The following TBCD variants were observed in gnomAD, a reference collection of about 807,000 sequenced individuals.
The protein encoded by TBCD is tubulin-specific chaperone D.
TBCD carries 105 observed loss-of-function variants against 169.3 expected under a neutral mutation model. The observed-to-expected ratio is 0.62, with a 90% confidence interval of 0.53 to 0.73. The LOEUF is 0.73. TBCD is among the 30% of genes least tolerant of loss of function. TBCD has a pLI of 0.00. For synonymous variants in TBCD, 700 were observed against 643.9 expected, an observed-to-expected ratio of 1.09 and a Z score of -1.32; for missense variants, 1,444 against 1,600.1, an observed-to-expected ratio of 0.90 and a Z score of 1.66.
At chr17:82,844,194 GT>G (rs1227222757) in intron 13 of TBCD, among the ~76,000 whole-genome samples, 1 of 24,108 alleles carries the variant, frequency 4.1e-5, no homozygotes, top group East Asian at 1.9e-3. Flanking sequence ...AGGAGTGGGG[GT>G]GGATGTTCTC....
chr17:82,868,929 G>A (rs1207793779), intron 13 of TBCD, among the ~76,000 whole-genome samples: 3 of 152,134 alleles, frequency 2.0e-5, no homozygotes, highest in Admixed American at 1.3e-4. Context: ...AGCCCCGAAC[G>A]AGACCCTGGC....
In TBCD at chr17:82,903,191, C is replaced by T. The variant is rs899028112; in HGVS notation, c.1731-214C>T. On this transcript the variant is annotated intron_variant, in intron 18 of 38. Coordinates refer to ENST00000355528, the MANE Select transcript of TBCD (RefSeq NM_005993.5). The surrounding 1 kb of genome is among the most constrained non-coding windows in gnomAD (Gnocchi z 4.8). ...AAGGCAGCTGTGTCCCAAGAAGAAC[C>T]GTGGTTAGCCGTGTGACCTCGCTGT... Among the ~76,000 whole-genome samples the T allele has an allele frequency of 1.9e-4, 29 of 152,234 alleles. No individual in the cohort carries two copies. Among genetic ancestry groups the T allele is most frequent in the Admixed American group, 6.5e-4 (10 of 15,284 alleles).
chr17:82,938,723 C>CT lies in TBCD; in HGVS notation c.3369+587_3369+588insT, dbSNP rs561825556. Among the ~76,000 whole-genome samples, 181 of 152,124 alleles carry CT rather than the reference C, an allele frequency of 1.2e-3. 1 individual carries two copies. The highest frequency in any genetic ancestry group is 4.2e-3 in the African/African-American group (173 of 41,496). ...CACCAGCGCAGTGAGACATGATGACCAGGGCACCACTCAAAAAGAGAGCAG... is the reference window on the plus strand; with the variant it reads ...CACCAGCGCAGTGAGACATGATGACCTAGGGCACCACTCAAAAAGAGAGCAG... On this transcript the variant is annotated intron_variant, in intron 36 of 38. Transcript: ENST00000355528.
At chr17:82,919,400 G>T (rs763866923) in intron 23 of TBCD, among the ~76,000 whole-genome samples, 9 of 152,152 alleles carry the variant, frequency 5.9e-5, no homozygotes, top group Non-Finnish European at 7.3e-5. Context: ...ACCATGTGTA[G>T]GTTGGTAGGG....
intron 13 of TBCD, chr17:82,839,078 C>A (rs1026265100): frequency 1.3e-6 from 1 of 741,830 alleles, no homozygotes; most frequent in African/African-American, 1.9e-5. Flanking sequence ...AAACTTAACC[C>A]CTTTGGTTTG....
At chr17:82,857,224 T>G (rs2056387161) in intron 13 of TBCD, among the ~76,000 whole-genome samples, 1 of 152,248 alleles carries the variant, frequency 6.6e-6, no homozygotes, top group African/African-American at 2.4e-5. Flanking sequence ...ACACTGAGCA[T>G]CTTTTCATGT....
At chr17:82,848,896 C>T (rs377225885) in intron 13 of TBCD, among the ~76,000 whole-genome samples, 116 of 50,886 alleles carry the variant, frequency 2.3e-3, no homozygotes, top group Admixed American at 5.0e-3. Context: ...CTGCCTGCTG[C>T]GTCTTCTCCA....
rs528530101 is a variant in TBCD, at chr17:82,761,826, C to T, written c.236-2139C>T. Among the ~76,000 whole-genome samples the T allele has an allele frequency of 1.4e-3, 211 of 151,252 alleles. 1 individual carries two copies. Among genetic ancestry groups the T allele is most frequent in the Admixed American group, 9.1e-3 (139 of 15,194 alleles). Reference sequence around the variant, plus strand: ...CTGCAAGCTCTGCCACCCGGGTTCACGCCATTCTCCTGCCTCAGCCTCCCG... The same window carrying T: ...CTGCAAGCTCTGCCACCCGGGTTCATGCCATTCTCCTGCCTCAGCCTCCCG... On this transcript the variant is annotated intron_variant, in intron 2 of 38. Coordinates refer to ENST00000355528, the MANE Select transcript of TBCD (RefSeq NM_005993.5).
rs897674978 is a variant in TBCD, at chr17:82,923,948, G to T, written c.2260+215G>T. Reference sequence around the variant, plus strand: ...ATGTTGCATCAGCTCTGAACAGGTGGCTCAGCAGGGACGCGTCTCTGTTGA... The same window carrying T: ...ATGTTGCATCAGCTCTGAACAGGTGTCTCAGCAGGGACGCGTCTCTGTTGA... On this transcript the variant is annotated intron_variant, in intron 26 of 38. Coordinates refer to ENST00000355528, the MANE Select transcript of TBCD (RefSeq NM_005993.5). The surrounding 1 kb of genome is among the most constrained non-coding windows in gnomAD (Gnocchi z 4.6). Among the ~76,000 whole-genome samples, 5 of 152,120 alleles carry T rather than the reference G, an allele frequency of 3.3e-5. No homozygotes were observed. Among genetic ancestry groups the T allele is most frequent in the African/African-American group, 1.2e-4 (5 of 41,420 alleles).
chr17:82,882,521 C>G (rs1004204978), intron 14 of TBCD, among the ~76,000 whole-genome samples: 2 of 152,210 alleles, frequency 1.3e-5, no homozygotes, highest in African/African-American at 4.8e-5. Context: ...GAGCCCATGC[C>G]CTGGGGACTC....
chr17:82,930,519 C>T lies in TBCD; in HGVS notation c.2992-3C>T, dbSNP rs758289022. On this transcript the variant is annotated splice_region_variant and splice_polypyrimidine_tract_variant and intron_variant, in intron 32 of 38. Coordinates refer to ENST00000355528, the MANE Select transcript of TBCD (RefSeq NM_005993.5). This position sits in a 1 kb window ranked among gnomAD's most constrained non-coding sequence, Gnocchi z 5.2. ...TGCCTTCTGAGGTGTCTCCGTGTTG[C>T]AGATCCGGCACTCCACCCAGAGCCT... The T allele has an allele frequency of 1.9e-6, 3 of 1,612,492 alleles. No individual in the cohort carries two copies. Among genetic ancestry groups the T allele is most frequent in the Non-Finnish European group, 8.5e-7 (1 of 1,179,508 alleles).
chr17:82,892,426 C>G (rs1007463972), intron 16 of TBCD, among the ~76,000 whole-genome samples: 6 of 152,124 alleles, frequency 3.9e-5, no homozygotes, highest in African/African-American at 1.2e-4. Flanking sequence ...GCAGCAGCCT[C>G]AGGCAGAAGT....
chr17:82,811,794 C>A (rs1287104289), intron 12 of TBCD, among the ~76,000 whole-genome samples: 1 of 152,190 alleles, frequency 6.6e-6, no homozygotes, highest in Non-Finnish European at 1.5e-5. Context: ...GGCCCACAGC[C>A]CTGCATGGTG....
chr17:82,927,731 C>T (rs933730702), intron 29 of TBCD, among the ~76,000 whole-genome samples, 174 bp from the exon 30 acceptor site: 8 of 152,160 alleles, frequency 5.3e-5, no homozygotes, highest in Admixed American at 1.3e-4. Flanking sequence ...GCACACGTCC[C>T]TGTAGCGCAC....
At chr17:82,927,786 G>C (rs1321913033) in intron 29 of TBCD, 119 bp from the exon 30 acceptor site, 1 of 823,934 alleles carries the variant, frequency 1.2e-6, no homozygotes. Flanking sequence ...GCGTGCCTGG[G>C]CTCTGTGTGG....
intron 19 of TBCD, among the ~76,000 whole-genome samples, chr17:82,904,956 C>T (rs1255210235): frequency 6.6e-6 from 1 of 152,210 alleles, no homozygotes; most frequent in Non-Finnish European, 1.5e-5. Context: ...TCTCGAAAAT[C>T]CGATCACCCC....
At chr17:82,865,583 G>T (rs1220990168) in intron 13 of TBCD, 16 of 979,502 alleles carry the variant, frequency 1.6e-5, no homozygotes, top group Non-Finnish European at 1.8e-5. Flanking sequence ...GCCCAGTGCC[G>T]AAATGGGAAG....
Position 82,920,871 on chromosome 17 carries a change from C to T in TBCD, c.2101+253C>T, listed in dbSNP as rs1431429949. The T allele has an allele frequency of 5.9e-6, 3 of 504,690 alleles. No individual in the cohort carries two copies. Among genetic ancestry groups the T allele is most frequent in the Non-Finnish European group, 1.1e-5 (3 of 283,700 alleles). The allele number at this position is 504,690 out of a possible 1,614,324, so 31.3% of individuals were successfully genotyped here. On this transcript the variant is annotated intron_variant, in intron 24 of 38. Transcript: ENST00000355528. The surrounding 1 kb of genome is among the most constrained non-coding windows in gnomAD (Gnocchi z 4.1). ...ACCCCCACCTCCTCGCTTCCATGCCCAGGGCCCGGCACTCTGGGTCAGTTC... is the reference window on the plus strand; with the variant it reads ...ACCCCCACCTCCTCGCTTCCATGCCTAGGGCCCGGCACTCTGGGTCAGTTC...
At chr17:82,933,853 C>G (rs2147403978) in intron 34 of TBCD, among the ~76,000 whole-genome samples, 1 of 151,570 alleles carries the variant, frequency 6.6e-6, no homozygotes, top group South Asian at 2.1e-4. Flanking sequence ...CCTCAAGTGA[C>G]CTGCCCACCT....
Sources: allele counts gnomAD v4.1 joint callset (sites outside exome capture counted in the v4.1 genomes callset), GRCh38; gene constraint gnomAD v4.1.1; non-coding constraint Gnocchi (gnomAD v3.1); transcripts MANE v1.5; gene names NCBI Gene and HGNC (gene_info 2026-07-23, HGNC 2026-07-21).